ETV4: variants seen among roughly 807,000 people sequenced by gnomAD.
ETV4 encodes the protein ETS translocation variant 4.
Under a neutral mutation model 65.9 loss-of-function variants are expected in ETV4, and 42 were observed. That is an observed-to-expected ratio of 0.64 (90% CI 0.50 to 0.82). The LOEUF (loss-of-function observed/expected upper bound fraction) is 0.82, where lower values mean the gene tolerates loss of function less well. Ranked by LOEUF, ETV4 falls within the 40% of genes least tolerant of loss-of-function variation. ETV4 has a pLI of 0.00. For synonymous variants in ETV4, 238 were observed against 260.0 expected (o/e 0.92, Z 0.81); for missense variants, 583 against 630.3 (o/e 0.92, Z 0.80).
chr17:43,545,482 G>C, intron 2 of ETV4, 76 bp downstream of exon 2: 1 of 1,473,286 alleles, frequency 6.8e-7, no homozygotes, highest in Non-Finnish European at 9.2e-7. Flanking sequence ...CGCTGGGACT[G>C]CGGGGAGGGG....
rs1171008035 is a variant in ETV4 at position 43,533,258 on chromosome 17, C to A, written c.474G>T (p.Glu158Asp). The A allele has an allele frequency of 6.2e-7, 1 of 1,613,956 alleles. No homozygotes were observed. Among genetic ancestry groups the A allele is most frequent in the Non-Finnish European group, 8.5e-7 (1 of 1,179,942 alleles). The part of the protein sequence containing the change: ...QSPLQPFPRA[E>D]QRNFLRSSGT... ...CAGAGGATCTCAGGAAATTCCGTTG[C>A]TCTGCCCGGGGAAAGGGCTGTAGGG... The change falls in exon 7 of 13, where the codon GAG (glutamate) becomes GAT (aspartate). Residue 158 changes from glutamate to aspartate, a missense_variant. Glu to Asp is a conservative substitution (Grantham distance 45, BLOSUM62 2). Coordinates refer to ENST00000319349, the MANE Select transcript of ETV4 (RefSeq NM_001079675.5).
At chr17:43,541,754 C>T (rs1403686951) in intron 4 of ETV4, among the ~76,000 whole-genome samples, 1 of 152,132 alleles carries the variant, frequency 6.6e-6, no homozygotes, top group African/African-American at 2.4e-5. Flanking sequence ...CCTTACCCTG[C>T]CCCCACCCTG....
Position 43,532,716 on chromosome 17 carries a change from C to G in ETV4, c.769G>C (p.Val257Leu). Residue 257 changes from valine to leucine, a missense_variant, in exon 8 of 13, where the codon GTG becomes CTG. Val to Leu is a conservative substitution (Grantham distance 32, BLOSUM62 1). Coordinates refer to ENST00000319349, the MANE Select transcript of ETV4 (RefSeq NM_001079675.5). ...VNGHRYPGAGVVIKQEQTDFA... is the reference protein window; with the variant it reads ...VNGHRYPGAGLVIKQEQTDFA... ...TCCGTCTGTTCCTGTTTGATCACCA[C>G]CCCCGCCCCTGGGTACCTGTGCCCA... 1.2e-6 allele frequency: 2 copies of G among 1,613,870 alleles called. No homozygotes were observed. The highest frequency in any genetic ancestry group is 1.7e-6 in the Non-Finnish European group (2 of 1,179,886).
chr17:43,537,057 T>G (rs996316820), intron 4 of ETV4, among the ~76,000 whole-genome samples: 2 of 152,248 alleles, frequency 1.3e-5, no homozygotes, highest in African/African-American at 4.8e-5. Flanking sequence ...AGTGGGATCC[T>G]GTGGATTTAA....
In ETV4 at chr17:43,545,472, C is replaced by T. The variant is rs1414652644; in HGVS notation, c.60+86G>A. 5.1e-6 allele frequency: 6 copies of T among 1,177,728 alleles called. No individual in the cohort carries two copies. The Admixed American group carries it at 7.4e-5, about 15-fold the overall frequency. 73.0% of individuals were successfully genotyped at this position (1,177,728 alleles called of 1,614,324 possible). A position where few individuals can be genotyped will look rare whatever the true frequency, so the allele number is the denominator to read the frequency against. Reference sequence around the variant, plus strand: ...TCAGGGGCGGGGCAGCCCAGGACTCCGCTGGGACTGCGGGGAGGGGGGCTG... The same window carrying T: ...TCAGGGGCGGGGCAGCCCAGGACTCTGCTGGGACTGCGGGGAGGGGGGCTG... On this transcript the variant is annotated intron_variant, in intron 2 of 12. Coordinates refer to ENST00000319349, the MANE Select transcript of ETV4 (RefSeq NM_001079675.5).
At chr17:43,531,766 G>A (rs1359603122) in intron 8 of ETV4, among the ~76,000 whole-genome samples, 1 of 152,196 alleles carries the variant, frequency 6.6e-6, no homozygotes, top group African/African-American at 2.4e-5. Flanking sequence ...CAAGAACCAT[G>A]AGCCTGGCTA....
intron 5 of ETV4, chr17:43,536,222 T>C: frequency 3.3e-6 from 2 of 609,924 alleles, no homozygotes; most frequent in Non-Finnish European, 5.9e-6. Context: ...AGGGATAGTG[T>C]CTGCTCTAAG....
rs755436518 is a variant in ETV4 at position 43,532,719 on chromosome 17, C to CCG, written c.764_765dup (p.Gly256ArgfsTer4). The CCG allele has an allele frequency of 6.2e-7, 1 of 1,614,022 alleles. No individual in the cohort carries two copies. The highest frequency in any genetic ancestry group is 1.1e-5 in the South Asian group (1 of 91,082). The stretch of plus-strand genomic sequence containing the variant: ...GTCTGTTCCTGTTTGATCACCACCC[C>CCG]CGCCCCTGGGTACCTGTGCCCATTG... On this transcript the variant is annotated frameshift_variant, in exon 8 of 13. Coordinates refer to ENST00000319349, the MANE Select transcript of ETV4 (RefSeq NM_001079675.5). LOFTEE classifies it high-confidence loss of function.
Position 43,533,885 on chromosome 17 carries a change from G to A in ETV4, c.357C>T (p.His119=), listed in dbSNP as rs1044858288. The part of the protein sequence containing the change: ...SCSRKPPLPY[H]HGEQCLYSSA... ...TGGAGTAAAGGCACTGCTCGCCATG[G>A]TGGTAGGGGAGTGGCGGCTTCCTGC... Residue 119 remains histidine, a synonymous_variant, in exon 6 of 13, where the codon CAC becomes CAT. Coordinates refer to ENST00000319349, the MANE Select transcript of ETV4 (RefSeq NM_001079675.5). The A allele has an allele frequency of 1.9e-6, 3 of 1,603,344 alleles. No individual in the cohort carries two copies. The African/African-American group carries it at 4.1e-5, about 22-fold the overall frequency.
chr17:43,533,356 T>G lies in ETV4; in HGVS notation c.384-8A>C. The G allele has an allele frequency of 1.2e-6, 2 of 1,610,238 alleles. No homozygotes were observed. The highest frequency in any genetic ancestry group is 1.7e-6 in the Non-Finnish European group (2 of 1,177,150). On this transcript the variant is annotated splice_polypyrimidine_tract_variant and splice_region_variant and intron_variant, in intron 6 of 12. Coordinates refer to ENST00000319349, the MANE Select transcript of ETV4 (RefSeq NM_001079675.5). ...CTGGGGGGGTCATAGGCACTGGAGTTGAGAAGGAGACAGGGGTGAGGGGGC... is the reference window on the plus strand; with the variant it reads ...CTGGGGGGGTCATAGGCACTGGAGTGGAGAAGGAGACAGGGGTGAGGGGGC...
chr17:43,536,662 A>G (rs1971259091), intron 4 of ETV4, among the ~76,000 whole-genome samples, 183 bp from the exon 5 acceptor site: 1 of 152,282 alleles, frequency 6.6e-6, no homozygotes, highest in South Asian at 2.1e-4. Context: ...CACTAACACT[A>G]ACGATAGCTG....
intron 4 of ETV4, among the ~76,000 whole-genome samples, chr17:43,542,833 G>GA (rs1277130706): frequency 6.6e-6 from 1 of 152,056 alleles, no homozygotes; most frequent in Non-Finnish European, 1.5e-5. Flanking sequence ...TGGGGCTTTG[G>GA]AAAAAACCAA....
chr17:43,528,911 C>T (rs1025449296), intron 12 of ETV4, among the ~76,000 whole-genome samples, 168 bp from the exon 13 acceptor site: 4 of 152,164 alleles, frequency 2.6e-5, no homozygotes, highest in Non-Finnish European at 4.4e-5. Context: ...ACAGTTCTTA[C>T]TCCTTTTTCA....
chr17:43,528,276 C>T lies in ETV4; in HGVS notation c.*243G>A, dbSNP rs1970685491. The T allele has an allele frequency of 9.2e-6, 4 of 436,008 alleles. No homozygotes were observed. The East Asian group carries it at 1.4e-4, about 15-fold the overall frequency. 27.0% of individuals were successfully genotyped at this position (436,008 alleles called of 1,614,324 possible). A position where few individuals can be genotyped will look rare whatever the true frequency, so the allele number is the denominator to read the frequency against. Reference sequence around the variant, plus strand: ...CCTAGGAAGAAGCTGAGCTGAATTCCTCCAGGGCCCAGGTGAAACCCCCAG... The same window carrying T: ...CCTAGGAAGAAGCTGAGCTGAATTCTTCCAGGGCCCAGGTGAAACCCCCAG... On this transcript the variant is annotated 3_prime_UTR_variant, in exon 13 of 13. Transcript: ENST00000319349.
At chr17:43,537,084 G>A (rs775927677) in intron 4 of ETV4, among the ~76,000 whole-genome samples, 12 of 152,220 alleles carry the variant, frequency 7.9e-5, no homozygotes, top group Non-Finnish European at 1.6e-4. Context: ...CATAGGAGGC[G>A]GCCAGGCATG....
chr17:43,532,971 G>A lies in ETV4; in HGVS notation c.546-32C>T. 1.3e-6 allele frequency: 2 copies of A among 1,533,518 alleles called. 1 individual carries two copies. The highest frequency in any genetic ancestry group is 2.6e-5 in the South Asian group (2 of 77,486). 95.0% of individuals were successfully genotyped at this position (1,533,518 alleles called of 1,614,324 possible). ...GTGGTTGGATGGAGAAGGAAGAGAA[G>A]AGAACTTTAAATTAATCCTTCCTCG... On this transcript the variant is annotated intron_variant, in intron 7 of 12. Coordinates refer to ENST00000319349, the MANE Select transcript of ETV4 (RefSeq NM_001079675.5).
intron 4 of ETV4, among the ~76,000 whole-genome samples, chr17:43,543,274 A>ACTCTCTCTCTCTCTCTCT (rs1250640458): frequency 2.4e-5 from 1 of 41,496 alleles, no homozygotes; most frequent in African/African-American, 1.7e-4. Context: ...TAACACACAC[A>ACTCTCTCTCTCTCTCTCT]CACTCTCTCT....
chr17:43,530,445 G>A (rs1438605445), intron 8 of ETV4: 2 of 1,369,654 alleles, frequency 1.5e-6, no homozygotes, highest in South Asian at 1.6e-5. Flanking sequence ...CTGTTCTGAA[G>A]GGCCCAAGCT....
In ETV4 at chr17:43,536,479, G is replaced by A. The variant is rs1376715432; in HGVS notation, c.203C>T (p.Ala68Val). ...SHFQETWLAEAQVPDSDEQFV... is the reference protein window; with the variant it reads ...SHFQETWLAEVQVPDSDEQFV... Reference sequence around the variant, plus strand: ...CTGCTCATCACTGTCTGGTACCTGAGCTGCAGAGAGAAGTCAGAGGTGAGT... The same window carrying A: ...CTGCTCATCACTGTCTGGTACCTGAACTGCAGAGAGAAGTCAGAGGTGAGT... The change falls in exon 5 of 13, where the codon GCT becomes GTT. Residue 68 changes from alanine (A) to valine (V), a missense_variant and splice_region_variant. Coordinates refer to ENST00000319349, the MANE Select transcript of ETV4 (RefSeq NM_001079675.5). 23 of 1,614,090 alleles carry A rather than the reference G, an allele frequency of 1.4e-5. No individual in the cohort carries two copies. Among genetic ancestry groups the A allele is most frequent in the African/African-American group, 2.7e-5 (2 of 74,950 alleles).
Sources: gnomAD v4.1 joint callset for allele counts (sites outside exome capture counted in the v4.1 genomes callset) on GRCh38, gnomAD v4.1.1 for gene constraint, MANE v1.5 for transcripts, NCBI Gene and HGNC (gene_info 2026-07-23, HGNC 2026-07-21) for gene names.